Variants in SMKR1 observed in about 807,000 individuals in gnomAD.
SMKR1 encodes small lysine rich protein 1, also known as small lysine-rich protein 1.
Under a neutral mutation model 4.0 loss-of-function variants are expected in SMKR1, and 4 were observed. The ratio of observed to expected loss-of-function variants is 1.00; its 90% CI spans 0.49 to 2.30. The LOEUF (loss-of-function observed/expected upper bound fraction) is 2.30, where lower values mean the gene tolerates loss of function less well. Among genes scored for constraint, SMKR1 ranks in the 30% most tolerant of loss-of-function variants. SMKR1 has a pLI of 0.02. For missense variants in SMKR1, 56 were observed against 81.8 expected, an observed-to-expected ratio of 0.68 and a Z score of 1.22; for synonymous variants, 38 against 32.5, an observed-to-expected ratio of 1.17 and a Z score of -0.58.
intron 1 of SMKR1, among the ~76,000 whole-genome samples, chr7:129,503,976 C>T (rs781145967): frequency 5.3e-5 from 8 of 151,940 alleles, no homozygotes; most frequent in Non-Finnish European, 1.2e-4. Flanking sequence ...CGTAGGCAGG[C>T]ATCACCATGC....
intron 1 of SMKR1, among the ~76,000 whole-genome samples, chr7:129,504,344 G>T (rs1377092116): frequency 6.6e-6 from 1 of 152,130 alleles, no homozygotes; most frequent in Non-Finnish European, 1.5e-5. Flanking sequence ...GCCTTTTTTG[G>T]GTTTCCGTCT....
At chr7:129,509,782 G>A (rs1466875590) in intron 1 of SMKR1, among the ~76,000 whole-genome samples, 4 of 152,086 alleles carry the variant, frequency 2.6e-5, no homozygotes, top group Non-Finnish European at 5.9e-5. Flanking sequence ...CTTGTGATCT[G>A]CCCGCCTCAG....
chr7:129,507,342 G>T (rs1799480636), intron 1 of SMKR1, among the ~76,000 whole-genome samples: 1 of 151,694 alleles, frequency 6.6e-6, no homozygotes, highest in Admixed American at 6.6e-5. Flanking sequence ...TAGATATGGG[G>T]TCCCATTTTG....
At chr7:129,503,162 C>T (rs2151026601) in intron 1 of SMKR1, among the ~76,000 whole-genome samples, 1 of 151,898 alleles carries the variant, frequency 6.6e-6, no homozygotes, top group East Asian at 1.9e-4. Context: ...CGGGTCCGAG[C>T]TGTTAGCTGC....
intron 1 of SMKR1, among the ~76,000 whole-genome samples, chr7:129,510,369 GC>G (rs1348973257): frequency 1.3e-5 from 2 of 152,212 alleles, no homozygotes; most frequent in Admixed American, 6.5e-5. Context: ...GCCTAACTGA[GC>G]CCCTACATTT....
In SMKR1 at chr7:129,502,723, G is replaced by C; in HGVS notation, c.-102G>C. 9 of 1,510,544 alleles carry C rather than the reference G, an allele frequency of 6.0e-6. No individual in the cohort carries two copies. Among genetic ancestry groups the C allele is most frequent in the Non-Finnish European group, 8.0e-6 (9 of 1,125,802 alleles). The allele number at this position is 1,510,544 out of a possible 1,614,324, so 93.6% of individuals were successfully genotyped here. On this transcript the variant is annotated 5_prime_UTR_variant, in exon 1 of 2. Transcript: ENST00000462322. ...TGAGGAGGGCCGAGAAGGGGCCGGG[G>C]GTGCTAGGGGAACGGGCGCTGGGGG... is the stretch of plus-strand genomic sequence containing the variant.
At chr7:129,511,805 G>A (rs77368664) in intron 1 of SMKR1, among the ~76,000 whole-genome samples, 1 of 152,150 alleles carries the variant, frequency 6.6e-6, no homozygotes, top group Non-Finnish European at 1.5e-5. Context: ...ACTGTTTGTT[G>A]TGGCTGCTAT....
chr7:129,504,420 C>T (rs891341767), intron 1 of SMKR1, among the ~76,000 whole-genome samples: 5 of 152,238 alleles, frequency 3.3e-5, no homozygotes, highest in Admixed American at 2.0e-4. Context: ...ATTCCCTACT[C>T]TCGGCCCACA....
Position 129,502,821 on chromosome 7 carries a change from C to G in SMKR1, c.-4C>G. The G allele has an allele frequency of 6.5e-7, 1 of 1,535,080 alleles. No homozygotes were observed. The highest frequency in any genetic ancestry group is 8.7e-7 in the Non-Finnish European group (1 of 1,146,584). On this transcript the variant is annotated 5_prime_UTR_variant, in exon 1 of 2. In the 5' UTR this introduces an upstream ATG that the reference lacks. Coordinates refer to ENST00000462322, the MANE Select transcript of SMKR1 (RefSeq NM_001195243.2). ...CACGCCTGCCTGCTCGGCTGAGAAT[C>G]GCCATGGTAATCCCCGTCTCCCTAA...
chr7:129,508,382 A>T (rs11761943), intron 1 of SMKR1, among the ~76,000 whole-genome samples: 87,056 of 152,054 alleles, frequency 0.57, 26,180 homozygotes, highest in East Asian at 0.77. Context: ...CCATCTTGTT[A>T]TGGTAGCTTT....
rs148475868 is a variant in SMKR1, at chr7:129,512,388, C to G, written c.145C>G (p.Arg49Gly). The change falls in exon 2 of 2, where the codon CGA (arginine) becomes GGA (glycine). Residue 49 changes from arginine (R) to glycine (G), a missense_variant. By Grantham distance (125) the Arg-to-Gly change is moderately radical. Coordinates refer to ENST00000462322, the MANE Select transcript of SMKR1 (RefSeq NM_001195243.2). ...AHNVADCLHL[R>G]GFHWPGAPKG... The stretch of plus-strand genomic sequence containing the variant: ...CAACGTCGCTGACTGCCTGCATCTG[C>G]GAGGCTTCCATTGGCCGGGTGCTCC... The G allele has an allele frequency of 6.5e-7, 1 of 1,535,930 alleles. No individual in the cohort carries two copies. Among genetic ancestry groups the G allele is most frequent in the Admixed American group, 2.0e-5 (1 of 50,950 alleles).
At chr7:129,507,520 A>G (rs1799482319) in intron 1 of SMKR1, among the ~76,000 whole-genome samples, 1 of 152,240 alleles carries the variant, frequency 6.6e-6, no homozygotes, top group Admixed American at 6.5e-5. Flanking sequence ...GAATGAACAT[A>G]TGCTTTCATT....
Position 129,502,741 on chromosome 7 carries a change from GC to G in SMKR1, c.-83del. On this transcript the variant is annotated 5_prime_UTR_variant, in exon 1 of 2. Transcript: ENST00000462322. ...GGCCGGGGGTGCTAGGGGAACGGGC[GC>G]TGGGGGCAGCGGCCCCGGTGGATGC... The G allele has an allele frequency of 6.5e-7, 1 of 1,529,656 alleles. No homozygotes were observed. Among genetic ancestry groups the G allele is most frequent in the South Asian group, 1.2e-5 (1 of 83,948 alleles). The allele number at this position is 1,529,656 out of a possible 1,614,324, so 94.8% of individuals were successfully genotyped here.
intron 1 of SMKR1, among the ~76,000 whole-genome samples, chr7:129,511,788 G>T (rs1480764226): frequency 6.6e-6 from 1 of 152,136 alleles, no homozygotes; most frequent in East Asian, 1.9e-4. Context: ...AAGACAGGAC[G>T]ATGCAAACTG....
intron 1 of SMKR1, among the ~76,000 whole-genome samples, chr7:129,510,049 G>T (rs1799510748): frequency 6.6e-6 from 1 of 152,096 alleles, no homozygotes; most frequent in Non-Finnish European, 1.5e-5. Flanking sequence ...TGTATGTGTG[G>T]GTCAGAGGAC....
At chr7:129,506,720 A>G (rs1799469315) in intron 1 of SMKR1, among the ~76,000 whole-genome samples, 1 of 142,494 alleles carries the variant, frequency 7.0e-6, no homozygotes, top group Non-Finnish European at 1.5e-5. Context: ...TTTTTACTTG[A>G]GTAATTATTT....
At position 129,510,861 on chromosome 7, in the gene SMKR1, T is replaced by C. The variant is rs1799519428; in HGVS notation, c.4-1386T>C. Among the ~76,000 whole-genome samples, 2 of 152,144 alleles carry C rather than the reference T, an allele frequency of 1.3e-5. 1 individual carries two copies. Among genetic ancestry groups the C allele is most frequent in the Admixed American group, 1.3e-4 (2 of 15,276 alleles). On this transcript the variant is annotated intron_variant, in intron 1 of 1. Coordinates refer to ENST00000462322, the MANE Select transcript of SMKR1 (RefSeq NM_001195243.2). Reference sequence around the variant, plus strand: ...TCTCGCTCTGTCCCCCAGGCTGGAATGCAGTGGCGTGATCTCGGCTCACTG... The same window carrying C: ...TCTCGCTCTGTCCCCCAGGCTGGAACGCAGTGGCGTGATCTCGGCTCACTG...
intron 1 of SMKR1, among the ~76,000 whole-genome samples, chr7:129,509,143 T>C (rs1799499771): frequency 6.6e-6 from 1 of 151,720 alleles, no homozygotes; most frequent in South Asian, 2.1e-4. Context: ...CGAAACCCCG[T>C]CTCTACTAAA....
intron 1 of SMKR1, among the ~76,000 whole-genome samples, chr7:129,505,053 G>T (rs1161263589): frequency 1.6e-4 from 24 of 152,206 alleles, no homozygotes; most frequent in Admixed American, 1.6e-3. Context: ...CAGAAAAGCA[G>T]AAATCCACAT....
Sources: allele counts gnomAD v4.1 joint callset (sites outside exome capture counted in the v4.1 genomes callset), GRCh38; gene constraint gnomAD v4.1.1; transcripts MANE v1.5; gene names NCBI Gene and HGNC (gene_info 2026-07-23, HGNC 2026-07-21).